SPINT4: variants seen among roughly 807,000 people sequenced by gnomAD.
SPINT4 encodes serine peptidase inhibitor, Kunitz type 4.
Under a neutral mutation model 9.4 loss-of-function variants are expected in SPINT4, and 7 were observed. That is an observed-to-expected ratio of 0.74 (90% CI 0.42 to 1.40). The LOEUF is 1.40. Among genes scored for constraint, SPINT4 ranks in the 40% most tolerant of loss-of-function variants. The pLI is 0.01. For missense variants in SPINT4, 105 were observed against 114.4 expected (o/e 0.92, Z 0.37); for synonymous variants, 36 against 39.9 (o/e 0.90, Z 0.37).
At chr20:45,724,106 G>A in intron 2 of SPINT4, 49 bp downstream of exon 2, 1 of 1,541,034 alleles carries the variant, frequency 6.5e-7, no homozygotes. Flanking sequence ...TAAAAGAAGA[G>A]GTTTTGACAT....
intron 1 of SPINT4, among the ~76,000 whole-genome samples, chr20:45,723,355 C>A (rs531321626): frequency 4.6e-5 from 7 of 152,158 alleles, no homozygotes; most frequent in Non-Finnish European, 8.8e-5. Flanking sequence ...GATGAACGAG[C>A]ATCACCCCAA....
At position 45,722,414 on chromosome 20, in the gene SPINT4, G is replaced by A. The variant is rs1370459205; in HGVS notation, c.47G>A (p.Cys16Tyr). The A allele has an allele frequency of 6.2e-7, 1 of 1,613,800 alleles. No homozygotes were observed. The highest frequency in any genetic ancestry group is 1.1e-5 in the South Asian group (1 of 91,080). ...LGFLLRFFIF[C>Y]SLNTLLLGGV... ...TTTCTTCTAAGATTCTTCATCTTCT[G>A]CTCATTGAATACCCTGTTATTGGGT... is the stretch of plus-strand genomic sequence containing the variant. The change falls in exon 1 of 3, where the codon TGC becomes TAC. Residue 16 changes from cysteine to tyrosine, a missense_variant. By Grantham distance (194) the Cys-to-Tyr change is radical (BLOSUM62 -2). Transcript: ENST00000279058.
Position 45,724,048 on chromosome 20 carries a change from ACAAAC to A in SPINT4, c.287_291del (p.Lys96ThrfsTer26). On this transcript the variant is annotated frameshift_variant, in exon 2 of 3. Coordinates refer to ENST00000279058, the MANE Select transcript of SPINT4 (RefSeq NM_178455.3). LOFTEE classifies it low-confidence loss of function (END_TRUNC). ...CGTGAAGTAGCCTGTGTTGCAAAAT[ACAAAC>A]CACCGTAAGGAATCTAATCCTGTCC... 6.2e-7 allele frequency: 1 copy of A among 1,606,972 alleles called. No individual in the cohort carries two copies. The highest frequency in any genetic ancestry group is 1.1e-5 in the South Asian group (1 of 89,346).
rs559227514 is a variant in SPINT4, at chr20:45,725,808, A to C, written c.*173A>C. ...CCTGGAAATTAACTGTATGATCATT[A>C]GAATGAAAGAGTCTTTCTGTCAGCC... On this transcript the variant is annotated 3_prime_UTR_variant, in exon 3 of 3. Coordinates refer to ENST00000279058, the MANE Select transcript of SPINT4 (RefSeq NM_178455.3). The C allele has an allele frequency of 1.2e-4, 92 of 762,110 alleles. 1 individual carries two copies. In the East Asian group the frequency reaches 1.9e-3, roughly 16 times the overall value. The allele number at this position is 762,110 out of a possible 1,614,324, so 47.2% of individuals were successfully genotyped here.
intron 2 of SPINT4, among the ~76,000 whole-genome samples, chr20:45,724,904 C>T (rs1267465106): frequency 2.9e-5 from 4 of 140,032 alleles, no homozygotes; most frequent in East Asian, 2.1e-4. Flanking sequence ...GGTGTGAACC[C>T]GGGAGGCGGA....
chr20:45,722,914 A>G (rs905963763), intron 1 of SPINT4, among the ~76,000 whole-genome samples: 2 of 152,108 alleles, frequency 1.3e-5, no homozygotes, highest in African/African-American at 2.4e-5. Flanking sequence ...GGAGCTCACA[A>G]TGTAAATGTG....
chr20:45,724,979 C>CAAAAAAAAAAAAAA (rs1168670011), intron 2 of SPINT4, among the ~76,000 whole-genome samples: 7 of 27,180 alleles, frequency 2.6e-4, no homozygotes, highest in African/African-American at 1.2e-3. Flanking sequence ...GACTCCATCT[C>CAAAAAAAAAAAAAA]AAAAAAAAAA....
At chr20:45,724,995 A>AAAAATATATATATAGATATATATACACAC in intron 2 of SPINT4, among the ~76,000 whole-genome samples, 1 of 36,430 alleles carries the variant, frequency 2.7e-5, no homozygotes, top group South Asian at 1.1e-3. Context: ...AAAAAAAAAA[A>AAAAATATATATATAGATATATATACACAC]ATATATATAT....
intron 1 of SPINT4, among the ~76,000 whole-genome samples, chr20:45,722,996 C>T (rs1984837734): frequency 1.3e-5 from 2 of 152,142 alleles, no homozygotes; most frequent in Middle Eastern, 6.8e-3. Context: ...GAAAGTAGCA[C>T]AGTTTATACC....
rs1555809001 is a variant in SPINT4, at chr20:45,725,013, T to TATACACAC, written c.294-613_294-612insCACACATA. ...AAAAAAAAATATATATATATATATA[T>TATACACAC]ATATATATATATATCAATAGATATA... On this transcript the variant is annotated intron_variant, in intron 2 of 2. Coordinates refer to ENST00000279058, the MANE Select transcript of SPINT4 (RefSeq NM_178455.3). 2.0e-4 allele frequency among the ~76,000 whole-genome samples: 10 copies of TATACACAC among 49,522 alleles called. 2 individuals carry two copies. Among genetic ancestry groups the TATACACAC allele is most frequent in the African/African-American group, 1.5e-3 (10 of 6,466 alleles). The allele number at this position is 49,522 out of a possible 152,430, so 32.5% of individuals were successfully genotyped here. A position where few individuals can be genotyped will look rare whatever the true frequency, so the allele number is the denominator to read the frequency against.
At chr20:45,724,184 T>G in intron 2 of SPINT4, 127 bp downstream of exon 2, 1 of 1,058,550 alleles carries the variant, frequency 9.4e-7, no homozygotes, top group South Asian at 1.6e-5. Flanking sequence ...ATTGCTCAAA[T>G]AAGAAGTTTT....
Position 45,723,946 on chromosome 20 carries a change from G to C in SPINT4, c.182G>C (p.Arg61Thr). The part of the protein sequence containing the change: ...YEVHFRYFYN[R>T]TSKRCETFVF... ...GTTCACTTTAGATATTTCTACAACA[G>C]AACCTCCAAAAGATGTGAAACTTTT... Residue 61 changes from arginine (R) to threonine (T), a missense_variant, in exon 2 of 3, where the codon AGA becomes ACA. Physicochemically the swap from Arg to Thr is moderately conservative, Grantham distance 71. Coordinates refer to ENST00000279058, the MANE Select transcript of SPINT4 (RefSeq NM_178455.3). 1 of 1,608,260 alleles carries C rather than the reference G, an allele frequency of 6.2e-7. No individual in the cohort carries two copies. Among genetic ancestry groups the C allele is most frequent in the South Asian group, 1.1e-5 (1 of 89,450 alleles).
chr20:45,723,989 T>G lies in SPINT4; in HGVS notation c.225T>G (p.Asn75Lys). The G allele has an allele frequency of 6.2e-7, 1 of 1,610,832 alleles. No individual in the cohort carries two copies. Among genetic ancestry groups the G allele is most frequent in the Non-Finnish European group, 8.5e-7 (1 of 1,179,078 alleles). ...RCETFVFSGC[N>K]GNLNNFKLKI... The stretch of plus-strand genomic sequence containing the variant: ...AAACTTTTGTCTTCTCCGGCTGTAA[T>G]GGCAACCTTAACAACTTCAAGCTTA... Residue 75 changes from asparagine to lysine, a missense_variant, in exon 2 of 3, where the codon AAT becomes AAG. Asn to Lys is a moderately conservative substitution (Grantham distance 94). Transcript: ENST00000279058.
At chr20:45,722,642 G>A (rs1169915994) in intron 1 of SPINT4, among the ~76,000 whole-genome samples, 160 bp downstream of exon 1, 1 of 152,028 alleles carries the variant, frequency 6.6e-6, no homozygotes, top group Non-Finnish European at 1.5e-5. Context: ...ACTTACACTA[G>A]GGGTCCTCTG....
rs771209055 is a variant in SPINT4 at position 45,725,759 on chromosome 20, T to C, written c.*124T>C. On this transcript the variant is annotated 3_prime_UTR_variant, in exon 3 of 3. Coordinates refer to ENST00000279058, the MANE Select transcript of SPINT4 (RefSeq NM_178455.3). ...CTTTAAGCTTCCATATGTTTGCTAT[T>C]TTCCTGACCCTAGTTTTGTCTTTCC... 2.0e-5 allele frequency: 25 copies of C among 1,281,684 alleles called. No homozygotes were observed. The highest frequency in any genetic ancestry group is 2.7e-5 in the Non-Finnish European group (24 of 887,052). 79.4% of individuals were successfully genotyped at this position (1,281,684 alleles called of 1,614,324 possible).
In SPINT4 at chr20:45,723,792, C is replaced by G. The variant is rs1025995283; in HGVS notation, c.116-88C>G. On this transcript the variant is annotated intron_variant, in intron 1 of 2. Coordinates refer to ENST00000279058, the MANE Select transcript of SPINT4 (RefSeq NM_178455.3). ...AATATGAGAATAGTTCCAGGCTAAA[C>G]GTAGGAATTTTTAAGGGCCCATAAA... The G allele has an allele frequency of 1.0e-5, 11 of 1,098,846 alleles. No individual in the cohort carries two copies. The Admixed American group carries it at 2.9e-4, about 29-fold the overall frequency. 68.1% of individuals were successfully genotyped at this position (1,098,846 alleles called of 1,614,324 possible).
chr20:45,724,007 C>T lies in SPINT4; in HGVS notation c.243C>T (p.Phe81=), dbSNP rs1407673245. Residue 81 remains phenylalanine (F), a synonymous_variant, in exon 2 of 3, where the codon TTC becomes TTT. Transcript: ENST00000279058. Reference sequence around the variant, plus strand: ...GCTGTAATGGCAACCTTAACAACTTCAAGCTTAAAATAGAACGTGAAGTAG... The same window carrying T: ...GCTGTAATGGCAACCTTAACAACTTTAAGCTTAAAATAGAACGTGAAGTAG... The part of the protein sequence containing the change: ...FSGCNGNLNN[F]KLKIEREVAC... The T allele has an allele frequency of 4.3e-6, 7 of 1,610,508 alleles. No homozygotes were observed. Among genetic ancestry groups the T allele is most frequent in the Non-Finnish European group, 5.9e-6 (7 of 1,179,058 alleles).
intron 2 of SPINT4, among the ~76,000 whole-genome samples, chr20:45,725,121 A>C (rs1414454628): frequency 6.6e-6 from 1 of 150,382 alleles, no homozygotes; most frequent in Non-Finnish European, 1.5e-5. Context: ...ATTAAATGGC[A>C]CAGCAGGGTT....
Position 45,725,791 on chromosome 20 carries a change from T to C in SPINT4, c.*156T>C. 2 of 897,920 alleles carry C rather than the reference T, an allele frequency of 2.2e-6. No individual in the cohort carries two copies. The highest frequency in any genetic ancestry group is 3.6e-6 in the Non-Finnish European group (2 of 558,450). The allele number at this position is 897,920 out of a possible 1,614,324, so 55.6% of individuals were successfully genotyped here. A position where few individuals can be genotyped will look rare whatever the true frequency, so the allele number is the denominator to read the frequency against. ...ACCCTAGTTTTGTCTTTCCTGGAAA[T>C]TAACTGTATGATCATTAGAATGAAA... On this transcript the variant is annotated 3_prime_UTR_variant, in exon 3 of 3. Coordinates refer to ENST00000279058, the MANE Select transcript of SPINT4 (RefSeq NM_178455.3).
Sources: allele counts gnomAD v4.1 joint callset (sites outside exome capture counted in the v4.1 genomes callset), GRCh38; gene constraint gnomAD v4.1.1; transcripts MANE v1.5; gene names NCBI Gene and HGNC (gene_info 2026-07-23, HGNC 2026-07-21).